Variants in TMEM132C observed in about 807,000 individuals in gnomAD.
TMEM132C encodes the protein transmembrane protein 132C.
Under a neutral mutation model 61.4 loss-of-function variants are expected in TMEM132C, and 29 were observed. The ratio of observed to expected loss-of-function variants is 0.47; its 90% CI spans 0.35 to 0.64. TMEM132C has a LOEUF of 0.64. TMEM132C is among the 30% of genes least tolerant of loss of function. The pLI is 0.00. For missense variants in TMEM132C, 1,408 were observed against 1,476.9 expected, an observed-to-expected ratio of 0.95 and a Z score of 0.76; for synonymous variants, 656 against 633.1, an observed-to-expected ratio of 1.04 and a Z score of -0.54.
At position 128,455,852 on chromosome 12, in the gene TMEM132C, T is replaced by C. The variant is rs376450651; in HGVS notation, c.974+40232T>C. 2.0e-4 allele frequency among the ~76,000 whole-genome samples: 30 copies of C among 152,260 alleles called. 1 individual carries two copies. Among genetic ancestry groups the C allele is most frequent in the African/African-American group, 6.7e-4 (28 of 41,562 alleles). On this transcript the variant is annotated intron_variant, in intron 2 of 8. Transcript: ENST00000435159. ...CGGGGGTAGATTGGCTCCTGTGAGC[T>C]CAGACTGTGGCCCCAGCAGCAAGGA...
chr12:128,397,476 G>T (rs1359754007), intron 1 of TMEM132C, among the ~76,000 whole-genome samples: 1 of 152,156 alleles, frequency 6.6e-6, no homozygotes, highest in African/African-American at 2.4e-5. Flanking sequence ...GCAGTGAAAG[G>T]TCATACGAGG....
chr12:128,670,720 A>C (rs1457582592), intron 5 of TMEM132C, among the ~76,000 whole-genome samples: 1 of 152,228 alleles, frequency 6.6e-6, no homozygotes, highest in Non-Finnish European at 1.5e-5. Context: ...TCAAACTCTG[A>C]ATGCCTACTG....
intron 2 of TMEM132C, among the ~76,000 whole-genome samples, chr12:128,499,287 A>C (rs555367775): frequency 1.3e-5 from 2 of 152,336 alleles, no homozygotes; most frequent in African/African-American, 4.8e-5. Flanking sequence ...CTGGATACGC[A>C]ATAGTGTACA....
At chr12:128,557,510 C>T (rs7139077) in intron 3 of TMEM132C, among the ~76,000 whole-genome samples, 3,705 of 152,258 alleles carry the variant, frequency 0.024, 163 homozygotes, top group African/African-American at 0.085. Flanking sequence ...CTTAGAGACC[C>T]TGCCTTACCA....
chr12:128,705,511 G>C lies in TMEM132C; in HGVS notation c.2543G>C (p.Arg848Pro). ...GHLYGSSPVE[R>P]EEGALRRATT... is the part of the protein sequence containing the mutation. ...CTCTATGGCAGCTCTCCCGTGGAGC[G>C]TGAGGAAGGGGCTCTCCGAAGAGCC... Residue 848 changes from arginine (R) to proline (P), a missense_variant, in exon 9 of 9, where the codon CGT (arginine) becomes CCT (proline). By Grantham distance (103) the Arg-to-Pro change is moderately radical (BLOSUM62 -2). Transcript: ENST00000435159. The C allele has an allele frequency of 2.6e-6, 4 of 1,550,948 alleles. No homozygotes were observed. The highest frequency in any genetic ancestry group is 3.5e-6 in the Non-Finnish European group (4 of 1,146,968).
At chr12:128,598,439 GA>G (rs796848033) in intron 3 of TMEM132C, among the ~76,000 whole-genome samples, 12 of 150,996 alleles carry the variant, frequency 7.9e-5, no homozygotes, top group South Asian at 4.2e-4. Flanking sequence ...TGGTCTCAAA[GA>G]AAAAAAAAGT....
At chr12:128,485,562 C>T (rs1293253434) in intron 2 of TMEM132C, among the ~76,000 whole-genome samples, 2 of 148,604 alleles carry the variant, frequency 1.3e-5, no homozygotes, top group African/African-American at 5.2e-5. Flanking sequence ...TGTCTGGAGA[C>T]ATTTTTGGTT....
At chr12:128,440,134 A>G (rs941528036) in intron 2 of TMEM132C, among the ~76,000 whole-genome samples, 1 of 152,172 alleles carries the variant, frequency 6.6e-6, no homozygotes, top group Non-Finnish European at 1.5e-5. Context: ...GTCAAAGGAT[A>G]TTTCTCCCAT....
chr12:128,672,369 T>C (rs1401619741), intron 5 of TMEM132C, among the ~76,000 whole-genome samples: 3 of 152,100 alleles, frequency 2.0e-5, no homozygotes, highest in South Asian at 2.1e-4. Flanking sequence ...TGATAACTTT[T>C]CTAGAGGTAA....
intron 1 of TMEM132C, among the ~76,000 whole-genome samples, chr12:128,267,959 G>A (rs1474074209): frequency 6.6e-6 from 1 of 152,226 alleles, no homozygotes; most frequent in Non-Finnish European, 1.5e-5. Context: ...GGTGCTCCAG[G>A]AGGGAAGGCC....
intron 1 of TMEM132C, among the ~76,000 whole-genome samples, chr12:128,358,362 A>C (rs1873585966): frequency 6.6e-6 from 1 of 152,220 alleles, no homozygotes; most frequent in South Asian, 2.1e-4. Context: ...TTCTAAATTT[A>C]TGAACTGTCA....
chr12:128,575,353 C>T (rs981807336), intron 3 of TMEM132C, among the ~76,000 whole-genome samples: 2 of 152,164 alleles, frequency 1.3e-5, no homozygotes, highest in African/African-American at 2.4e-5. Flanking sequence ...ATGATGTGCA[C>T]CTATAGTCCC....
At chr12:128,667,071 A>G (rs951336142) in intron 4 of TMEM132C, among the ~76,000 whole-genome samples, 1 of 152,244 alleles carries the variant, frequency 6.6e-6, no homozygotes, top group Non-Finnish European at 1.5e-5. Flanking sequence ...CTCCGTCTCA[A>G]AATATATATA....
At chr12:128,422,309 G>GT (rs199844420) in intron 2 of TMEM132C, among the ~76,000 whole-genome samples, 9,080 of 152,234 alleles carry the variant, frequency 0.06, 925 homozygotes, top group African/African-American at 0.2. Context: ...GTTGCAGGTT[G>GT]TAAGTAGGTA....
intron 2 of TMEM132C, among the ~76,000 whole-genome samples, chr12:128,489,036 C>G (rs1244699029): frequency 1.3e-5 from 2 of 152,104 alleles, no homozygotes; most frequent in African/African-American, 2.4e-5. Flanking sequence ...TCCTGGGGTG[C>G]TTTAGAGAGT....
intron 1 of TMEM132C, among the ~76,000 whole-genome samples, chr12:128,338,202 C>T (rs1252253260): frequency 2.0e-5 from 3 of 152,106 alleles, no homozygotes; most frequent in East Asian, 3.9e-4. Context: ...AGACCAATGT[C>T]GTGAAGCACT....
intron 5 of TMEM132C, among the ~76,000 whole-genome samples, chr12:128,692,791 G>T (rs527618842): frequency 6.6e-6 from 1 of 152,310 alleles, no homozygotes; most frequent in African/African-American, 2.4e-5. Context: ...CTGGTAGATA[G>T]AGTCATATTT....
At chr12:128,600,277 G>C (rs139871981) in intron 3 of TMEM132C, among the ~76,000 whole-genome samples, 3 of 152,026 alleles carry the variant, frequency 2.0e-5, no homozygotes, top group Non-Finnish European at 4.4e-5. Flanking sequence ...CCACCGCACC[G>C]GGCCAAGACC....
intron 1 of TMEM132C, among the ~76,000 whole-genome samples, chr12:128,294,808 C>CT (rs1365794423): frequency 6.6e-6 from 1 of 152,130 alleles, no homozygotes; most frequent in Non-Finnish European, 1.5e-5. Context: ...AAGGTACCAC[C>CT]TCCTAAGACC....
Sources: gnomAD v4.1 joint callset for allele counts (sites outside exome capture counted in the v4.1 genomes callset) on GRCh38, gnomAD v4.1.1 for gene constraint, MANE v1.5 for transcripts, NCBI Gene and HGNC (gene_info 2026-07-23, HGNC 2026-07-21) for gene names.